Variants in ATP13A4 observed in about 807,000 individuals in gnomAD.
ATP13A4 encodes probable cation-transporting ATPase 13A4.
ATP13A4 carries 114 observed loss-of-function variants against 142.5 expected under a neutral mutation model. That is an observed-to-expected ratio of 0.80 (90% CI 0.69 to 0.93). The LOEUF is 0.93. Among genes scored for constraint, ATP13A4 ranks in the 40% least tolerant of loss-of-function variants. The pLI is 0.00. For missense variants in ATP13A4, 1,392 were observed against 1,454.0 expected, an observed-to-expected ratio of 0.96 and a Z score of 0.69; for synonymous variants, 488 against 514.8, an observed-to-expected ratio of 0.95 and a Z score of 0.70.
chr3:193,423,450 G>A (rs926664604), intron 25 of ATP13A4, among the ~76,000 whole-genome samples: 2 of 149,394 alleles, frequency 1.3e-5, no homozygotes, highest in Non-Finnish European at 3.0e-5. Context: ...CAAAATACTA[G>A]CAAACTGAAT....
In ATP13A4 at chr3:193,514,884, C is replaced by G. The variant is rs745953243; in HGVS notation, c.61-13G>C. 3 of 1,612,824 alleles carry G rather than the reference C, an allele frequency of 1.9e-6. No individual in the cohort carries two copies. The highest frequency in any genetic ancestry group is 1.7e-6 in the Non-Finnish European group (2 of 1,179,008). On this transcript the variant is annotated splice_polypyrimidine_tract_variant and intron_variant, in intron 1 of 29. Coordinates refer to ENST00000342695, the MANE Select transcript of ATP13A4 (RefSeq NM_032279.4). The stretch of plus-strand genomic sequence containing the variant: ...AGCCAAATATCTCCTGGGACAGAAT[C>G]AAAATGATACCAAATATTGGTTAAG...
rs2108666292 is a variant in ATP13A4, at chr3:193,492,999, T to TA, written c.453-3dup. 1.9e-6 allele frequency: 3 copies of TA among 1,607,554 alleles called. No homozygotes were observed. The highest frequency in any genetic ancestry group is 2.6e-6 in the Non-Finnish European group (3 of 1,174,804). On this transcript the variant is annotated splice_polypyrimidine_tract_variant and splice_region_variant and intron_variant, in intron 4 of 29. Coordinates refer to ENST00000342695, the MANE Select transcript of ATP13A4 (RefSeq NM_032279.4). ...GAACTAAGCCAGTCTTCCAAAGAACTAAAATAATAATAATGAAAAGAACAT... is the reference window on the plus strand; with the variant it reads ...GAACTAAGCCAGTCTTCCAAAGAACTAAAAATAATAATAATGAAAAGAACAT...
At chr3:193,587,816 A>C (rs1308104174) in intron 1 of ATP13A4, among the ~76,000 whole-genome samples, 1 of 152,178 alleles carries the variant, frequency 6.6e-6, no homozygotes, top group African/African-American at 2.4e-5. Context: ...AAGTATAAAA[A>C]TTGTAAAAAC....
chr3:193,404,637 C>T (rs1197930567), intron 29 of ATP13A4, among the ~76,000 whole-genome samples: 3 of 152,058 alleles, frequency 2.0e-5, no homozygotes, highest in Non-Finnish European at 4.4e-5. Flanking sequence ...TCCTCCTGCT[C>T]GGGCCATGTA....
At chr3:193,556,848 A>G (rs995203189), upstream of ATP13A4, among the ~76,000 whole-genome samples, 2 of 152,248 alleles carry the variant, frequency 1.3e-5, no homozygotes, top group African/African-American at 2.4e-5. Flanking sequence ...CAGTAATTAT[A>G]TATTTAGTAC....
At chr3:193,470,596 TC>T (rs1283324204) in intron 9 of ATP13A4, among the ~76,000 whole-genome samples, 1 of 152,242 alleles carries the variant, frequency 6.6e-6, no homozygotes, top group South Asian at 2.1e-4. Context: ...GTTGTAATAA[TC>T]TTTTGTTCAA....
In ATP13A4 at chr3:193,415,705, C is replaced by T. The variant is rs1193245593; in HGVS notation, c.2843-955G>A. Among the ~76,000 whole-genome samples, 8 of 152,192 alleles carry T rather than the reference C, an allele frequency of 5.3e-5. 1 individual carries two copies. The highest frequency in any genetic ancestry group is 1.0e-4 in the Non-Finnish European group (7 of 68,040). ...ACTCACTCTGGGCAGAAAAGCAGTGCACATTGCTTGAAAACATTATTAGGC... is the reference window on the plus strand; with the variant it reads ...ACTCACTCTGGGCAGAAAAGCAGTGTACATTGCTTGAAAACATTATTAGGC... On this transcript the variant is annotated intron_variant, in intron 25 of 29. Coordinates refer to ENST00000342695, the MANE Select transcript of ATP13A4 (RefSeq NM_032279.4).
At chr3:193,439,938 T>A (rs896397020) in intron 21 of ATP13A4, among the ~76,000 whole-genome samples, 1 of 152,088 alleles carries the variant, frequency 6.6e-6, no homozygotes, top group East Asian at 1.9e-4. Context: ...TGTGACACGA[T>A]GACCAAGATG....
Position 193,402,624 on chromosome 3 carries a change from T to C in ATP13A4, c.*28A>G, listed in dbSNP as rs1714304350. On this transcript the variant is annotated 3_prime_UTR_variant, in exon 30 of 30. Coordinates refer to ENST00000342695, the MANE Select transcript of ATP13A4 (RefSeq NM_032279.4). ...GGTCCCTTTTGTCATTGTTTCTCTG[T>C]AATATCAACTTGGATATCACATGTC... 1 of 811,754 alleles carries C rather than the reference T, an allele frequency of 1.2e-6. No individual in the cohort carries two copies. Among genetic ancestry groups the C allele is most frequent in the Admixed American group, 1.7e-5 (1 of 59,080 alleles). The allele number at this position is 811,754 out of a possible 1,614,324, so 50.3% of individuals were successfully genotyped here. A position where few individuals can be genotyped will look rare whatever the true frequency, so the allele number is the denominator to read the frequency against.
Position 193,440,581 on chromosome 3 carries a change from C to T in ATP13A4, c.2496G>A (p.Leu832=). 1 of 1,614,040 alleles carries T rather than the reference C, an allele frequency of 6.2e-7. No individual in the cohort carries two copies. Among genetic ancestry groups the T allele is most frequent in the Non-Finnish European group, 8.5e-7 (1 of 1,179,904 alleles). ...ACTCCAGTTTCTGAAATTCTTCCAC[C>T]AGACTGGACTTCTGCCCAGGAGACA... ...ARMSPGQKSS[L]VEEFQKLDYF... The change falls in exon 21 of 30, where the codon CTG becomes CTA. Residue 832 remains leucine (L), a synonymous_variant. Coordinates refer to ENST00000342695, the MANE Select transcript of ATP13A4 (RefSeq NM_032279.4).
At chr3:193,505,654 A>T (rs896577649) in intron 2 of ATP13A4, among the ~76,000 whole-genome samples, 5 of 152,030 alleles carry the variant, frequency 3.3e-5, no homozygotes, top group African/African-American at 9.7e-5. Context: ...CAGCTAGATG[A>T]CCCTTTTGCT....
At chr3:193,501,830 C>T (rs1426912622) in intron 3 of ATP13A4, among the ~76,000 whole-genome samples, 2 of 152,138 alleles carry the variant, frequency 1.3e-5, no homozygotes, top group Admixed American at 6.5e-5. Flanking sequence ...AACCCAAATA[C>T]ATTTGAATGA....
chr3:193,411,446 AT>A (rs1488688720), intron 27 of ATP13A4, among the ~76,000 whole-genome samples: 2 of 152,190 alleles, frequency 1.3e-5, no homozygotes, highest in East Asian at 3.8e-4. Flanking sequence ...CAATAAACCA[AT>A]TTTTAAATTG....
intron 2 of ATP13A4, among the ~76,000 whole-genome samples, chr3:193,573,276 C>CTTATATATATATGTATATAT (rs745558107): frequency 1.3e-5 from 1 of 77,842 alleles, no homozygotes; most frequent in African/African-American, 6.4e-5. Flanking sequence ...TATATATATA[C>CTTATATATATATGTATATAT]ATATATATAT....
At chr3:193,494,922 C>T (rs1435527797) in intron 3 of ATP13A4, among the ~76,000 whole-genome samples, 2 of 151,632 alleles carry the variant, frequency 1.3e-5, no homozygotes, top group Non-Finnish European at 2.9e-5. Context: ...AGAGACATTA[C>T]GAATGATAAC....
intron 2 of ATP13A4, among the ~76,000 whole-genome samples, chr3:193,573,032 G>A (rs1452752081): frequency 7.0e-6 from 1 of 141,988 alleles, no homozygotes; most frequent in Admixed American, 7.1e-5. Context: ...GTTACTCGGG[G>A]TGGGGGGCAG....
intron 8 of ATP13A4, among the ~76,000 whole-genome samples, chr3:193,474,056 A>G (rs772004198): frequency 5.9e-5 from 9 of 152,240 alleles, no homozygotes; most frequent in East Asian, 1.9e-4. Context: ...GCGGTGGCTC[A>G]CACCTGTAAT....
intron 1 of ATP13A4, among the ~76,000 whole-genome samples, chr3:193,588,589 C>T (rs1490605748): frequency 6.6e-6 from 1 of 152,138 alleles, no homozygotes; most frequent in Non-Finnish European, 1.5e-5. Context: ...ACTTTCTCAA[C>T]AGCCCCCTAT....
At chr3:193,574,603 C>T (rs546023006) in intron 2 of ATP13A4, among the ~76,000 whole-genome samples, 1 of 152,222 alleles carries the variant, frequency 6.6e-6, no homozygotes, top group South Asian at 2.1e-4. Context: ...GTAATCCTAG[C>T]TACTTGCGAG....
Sources: allele counts gnomAD v4.1 joint callset (sites outside exome capture counted in the v4.1 genomes callset), GRCh38; gene constraint gnomAD v4.1.1; transcripts MANE v1.5; gene names NCBI Gene and HGNC (gene_info 2026-07-23, HGNC 2026-07-21).